Variants in ACAP2 observed in about 807,000 individuals in gnomAD.
ACAP2 encodes the protein ArfGAP with coiled-coil, ankyrin repeat and PH domains 2.
ACAP2 carries 39 observed loss-of-function variants against 115.8 expected under a neutral mutation model. The ratio of observed to expected loss-of-function variants is 0.34; its 90% CI spans 0.26 to 0.44. ACAP2 has a LOEUF of 0.44. Ranked by LOEUF, ACAP2 falls within the 20% of genes least tolerant of loss-of-function variation. ACAP2 has a pLI of 1.00. For missense variants in ACAP2, 662 were observed against 927.6 expected, an observed-to-expected ratio of 0.71 and a Z score of 3.72; for synonymous variants, 289 against 315.8, an observed-to-expected ratio of 0.92 and a Z score of 0.90.
At chr3:195,292,048 T>C (rs892448929) in intron 19 of ACAP2, among the ~76,000 whole-genome samples, 2 of 152,162 alleles carry the variant, frequency 1.3e-5, no homozygotes, top group African/African-American at 4.8e-5. Context: ...GCAAAACACA[T>C]TATATACTTT....
At chr3:195,333,313 C>T (rs2108629670) in intron 7 of ACAP2, among the ~76,000 whole-genome samples, 190 bp from the exon 8 acceptor site, 1 of 152,230 alleles carries the variant, frequency 6.6e-6, no homozygotes, top group African/African-American at 2.4e-5. Flanking sequence ...GTGATTCTCC[C>T]ACTTCAGCCT....
intron 15 of ACAP2, 25 bp downstream of exon 15, chr3:195,301,550 A>T: frequency 6.5e-7 from 1 of 1,547,636 alleles, no homozygotes; most frequent in Non-Finnish European, 8.8e-7. Context: ...AATATGAAAT[A>T]TTTTAAAGCA....
chr3:195,383,753 T>G (rs1339546490), intron 2 of ACAP2, among the ~76,000 whole-genome samples: 1 of 151,764 alleles, frequency 6.6e-6, no homozygotes, highest in Non-Finnish European at 1.5e-5. Context: ...AGGACAAGTT[T>G]CCGTACCATA....
At chr3:195,288,858 CATAAAT>C (rs1727043431) in intron 21 of ACAP2, among the ~76,000 whole-genome samples, 1 of 152,178 alleles carries the variant, frequency 6.6e-6, no homozygotes, top group East Asian at 1.9e-4. Flanking sequence ...AAAATAGATA[CATAAAT>C]ATAAATACAA....
rs200014304 is a variant in ACAP2, at chr3:195,295,359, A to G, written c.1672+349T>C. 2,575 of 1,077,180 alleles carry G rather than the reference A, an allele frequency of 2.4e-3. 7 individuals carry two copies. The highest frequency in any genetic ancestry group is 3.0e-3 in the Non-Finnish European group (2,413 of 806,094). 66.7% of individuals were successfully genotyped at this position (1,077,180 alleles called of 1,614,324 possible). ...GGCCATAAGAAGGGAAAAGGGCAGG[A>G]AAAAACGTTACTGGGAAAAAATTTA... On this transcript the variant is annotated intron_variant, in intron 17 of 22. Coordinates refer to ENST00000326793, the MANE Select transcript of ACAP2 (RefSeq NM_012287.6).
At chr3:195,380,140 T>TA (rs1733848629) in intron 4 of ACAP2, among the ~76,000 whole-genome samples, 1 of 152,096 alleles carries the variant, frequency 6.6e-6, no homozygotes, top group Non-Finnish European at 1.5e-5. Flanking sequence ...TACACCTAGG[T>TA]ACATGCCCAA....
chr3:195,277,199 A>G lies in ACAP2; in HGVS notation c.*2129T>C, dbSNP rs1337241788. On this transcript the variant is annotated 3_prime_UTR_variant, in exon 23 of 23. Coordinates refer to ENST00000326793, the MANE Select transcript of ACAP2 (RefSeq NM_012287.6). Reference sequence around the variant, plus strand: ...AGTCAGGATCTTTAGGAATTAAAACAGGAAGGGACACTATAAAGGAAAAGT... The same window carrying G: ...AGTCAGGATCTTTAGGAATTAAAACGGGAAGGGACACTATAAAGGAAAAGT... The G allele has an allele frequency of 6.6e-6, 1 of 152,260 alleles. No homozygotes were observed. Among genetic ancestry groups the G allele is most frequent in the Non-Finnish European group, 1.5e-5 (1 of 68,046 alleles). The allele number at this position is 152,260 out of a possible 1,614,324, so 9.4% of individuals were successfully genotyped here.
chr3:195,424,963 C>T (rs1465409092), intron 1 of ACAP2, among the ~76,000 whole-genome samples: 6 of 110,578 alleles, frequency 5.4e-5, no homozygotes, highest in Non-Finnish European at 8.6e-5. Flanking sequence ...GAGTTGATTG[C>T]TTGCAGTGAG....
intron 21 of ACAP2, among the ~76,000 whole-genome samples, chr3:195,288,041 C>G (rs1726962211): frequency 6.6e-6 from 1 of 151,594 alleles, no homozygotes; most frequent in African/African-American, 2.4e-5. Context: ...GCAGAGGTTG[C>G]TGAGCTGAGA....
intron 19 of ACAP2, 29 bp from the exon 20 acceptor site, chr3:195,291,844 A>C (rs1442397366): frequency 6.4e-7 from 1 of 1,560,080 alleles, no homozygotes. Context: ...ATAACTATAG[A>C]CAAAAGCAAA....
chr3:195,413,566 T>C (rs1441250991), intron 1 of ACAP2, among the ~76,000 whole-genome samples: 2 of 152,022 alleles, frequency 1.3e-5, no homozygotes, highest in African/African-American at 2.4e-5. Flanking sequence ...CTGTCCAACA[T>C]TGCGAAACCC....
Position 195,399,909 on chromosome 3 carries a change from T to C in ACAP2, c.54-7762A>G, listed in dbSNP as rs112547567. ...ATCCAGATAATAGGACCGGGTGCAG[T>C]GGCTCATGCCTGTAATCCCAGCACT... On this transcript the variant is annotated intron_variant, in intron 1 of 22. Coordinates refer to ENST00000326793, the MANE Select transcript of ACAP2 (RefSeq NM_012287.6). Among the ~76,000 whole-genome samples, 712 of 152,296 alleles carry C rather than the reference T, an allele frequency of 4.7e-3. 5 individuals carry two copies. The highest frequency in any genetic ancestry group is 0.016 in the African/African-American group (673 of 41,568).
chr3:195,341,321 G>GTTTTTTTTTTT (rs377628235), intron 6 of ACAP2, among the ~76,000 whole-genome samples: 1 of 107,046 alleles, frequency 9.3e-6, no homozygotes. Flanking sequence ...TATTGTGTGG[G>GTTTTTTTTTTT]TTTTTTTTTT....
intron 1 of ACAP2, among the ~76,000 whole-genome samples, chr3:195,415,535 A>C (rs1713649699): frequency 6.6e-6 from 1 of 152,064 alleles, no homozygotes; most frequent in South Asian, 2.1e-4. Context: ...TCGGCCTCCC[A>C]AAGTGCTGGG....
At chr3:195,408,916 C>T (rs140931926) in intron 1 of ACAP2, among the ~76,000 whole-genome samples, 1,840 of 151,948 alleles carry the variant, frequency 0.012, 32 homozygotes, top group African/African-American at 0.04. Context: ...GATAAAAACA[C>T]TTAACAAAAA....
At chr3:195,296,744 T>A (rs907216906) in intron 16 of ACAP2, among the ~76,000 whole-genome samples, 1 of 152,216 alleles carries the variant, frequency 6.6e-6, no homozygotes, top group African/African-American at 2.4e-5. Context: ...ACACTTTGCA[T>A]CTTTAGTTCT....
intron 1 of ACAP2, among the ~76,000 whole-genome samples, chr3:195,437,192 G>A (rs1391896496): frequency 6.7e-6 from 1 of 150,166 alleles, no homozygotes; most frequent in African/African-American, 2.5e-5. Flanking sequence ...GACTACAGGC[G>A]TGGGCCACAT....
At chr3:195,332,207 T>G (rs1391928850) in intron 8 of ACAP2, among the ~76,000 whole-genome samples, 1 of 151,856 alleles carries the variant, frequency 6.6e-6, no homozygotes, top group Non-Finnish European at 1.5e-5. Flanking sequence ...ATGAAAAAGT[T>G]CCCAAGAGCT....
At chr3:195,314,651 AC>A (rs1728974810) in intron 10 of ACAP2, among the ~76,000 whole-genome samples, 1 of 152,200 alleles carries the variant, frequency 6.6e-6, no homozygotes, top group African/African-American at 2.4e-5. Context: ...AATGTGTGGT[AC>A]CCTATGGTGA....
Sources: gnomAD v4.1 joint callset for allele counts (sites outside exome capture counted in the v4.1 genomes callset) on GRCh38, gnomAD v4.1.1 for gene constraint, MANE v1.5 for transcripts, NCBI Gene and HGNC (gene_info 2026-07-23, HGNC 2026-07-21) for gene names.